MARCHF11: variants seen among roughly 807,000 people sequenced by gnomAD.
MARCHF11 encodes E3 ubiquitin-protein ligase MARCHF11.
A neutral mutation model predicts 37.3 loss-of-function variants in MARCHF11; 29 were observed. The ratio of observed to expected loss-of-function variants is 0.78; its 90% CI spans 0.58 to 1.06. The LOEUF (loss-of-function observed/expected upper bound fraction) is 1.06, where lower values mean the gene tolerates loss of function less well. MARCHF11 is among the 50% of genes least tolerant of loss of function. The pLI, the probability that MARCHF11 is intolerant of heterozygous loss-of-function variation, is 0.00. For synonymous variants in MARCHF11, 233 were observed against 228.0 expected (o/e 1.02, Z -0.20); for missense variants, 482 against 533.4 (o/e 0.90, Z 0.95).
At chr5:16,125,902 CAAAGA>C (rs1579397138) in intron 2 of MARCHF11, among the ~76,000 whole-genome samples, 1 of 152,136 alleles carries the variant, frequency 6.6e-6, no homozygotes, top group East Asian at 1.9e-4. Flanking sequence ...AAAGGCACAG[CAAAGA>C]AGTGTTTTGC....
At chr5:16,103,511 A>G (rs1231372238) in intron 2 of MARCHF11, among the ~76,000 whole-genome samples, 1 of 152,194 alleles carries the variant, frequency 6.6e-6, no homozygotes, top group Non-Finnish European at 1.5e-5. Flanking sequence ...TAAATGCGGA[A>G]GGATGTTGCA....
chr5:16,138,266 T>C (rs1346255378), intron 2 of MARCHF11, among the ~76,000 whole-genome samples: 1 of 152,162 alleles, frequency 6.6e-6, no homozygotes, highest in Non-Finnish European at 1.5e-5. Context: ...CTTGGCGCCC[T>C]GCATCCCAGC....
At chr5:16,097,681 G>A (rs758060525) in intron 2 of MARCHF11, among the ~76,000 whole-genome samples, 15 of 152,090 alleles carry the variant, frequency 9.9e-5, no homozygotes, top group Admixed American at 3.3e-4. Flanking sequence ...ACATAGAAAC[G>A]GAAGTTGTCA....
rs149174906 is a variant in MARCHF11, at chr5:16,083,520, G to A, written c.886+7369C>T. Among the ~76,000 whole-genome samples, 49 of 152,282 alleles carry A rather than the reference G, an allele frequency of 3.2e-4. No individual in the cohort carries two copies. In the East Asian group the frequency reaches 9.2e-3, roughly 29 times the overall value. On this transcript the variant is annotated intron_variant, in intron 3 of 3. Coordinates refer to ENST00000332432, the MANE Select transcript of MARCHF11 (RefSeq NM_001102562.3). ...GCTCGTCTATGGTTCATGAACCTGTGTGGCAATGAACTTAAGGCTCTCCTG... is the reference window on the plus strand; with the variant it reads ...GCTCGTCTATGGTTCATGAACCTGTATGGCAATGAACTTAAGGCTCTCCTG...
chr5:16,070,606 A>G (rs56917287), intron 3 of MARCHF11, among the ~76,000 whole-genome samples: 2,804 of 152,342 alleles, frequency 0.018, 72 homozygotes, highest in African/African-American at 0.064. Flanking sequence ...ATCACTTACT[A>G]GAGCTTAAAG....
At chr5:16,138,144 G>A (rs998478664) in intron 2 of MARCHF11, among the ~76,000 whole-genome samples, 1 of 152,144 alleles carries the variant, frequency 6.6e-6, no homozygotes, top group African/African-American at 2.4e-5. Flanking sequence ...TGTCTCCAGG[G>A]CATGTCAAAG....
At chr5:16,159,027 T>G (rs1738029580) in intron 2 of MARCHF11, among the ~76,000 whole-genome samples, 1 of 151,864 alleles carries the variant, frequency 6.6e-6, no homozygotes, top group Non-Finnish European at 1.5e-5. Context: ...CTAGCTCAAT[T>G]TAGCCATTCC....
At chr5:16,133,804 T>TAA (rs113440597) in intron 2 of MARCHF11, among the ~76,000 whole-genome samples, 18 of 150,696 alleles carry the variant, frequency 1.2e-4, no homozygotes, top group African/African-American at 4.1e-4. Flanking sequence ...TGATGAGCTT[T>TAA]AAAAAAAAAA....
chr5:16,118,505 T>C (rs1456337508), intron 2 of MARCHF11, among the ~76,000 whole-genome samples: 3 of 152,136 alleles, frequency 2.0e-5, no homozygotes, highest in Admixed American at 2.0e-4. Context: ...CAAGAAGGTT[T>C]CAAGAAAAAG....
chr5:16,167,277 A>T (rs961128425), intron 2 of MARCHF11, among the ~76,000 whole-genome samples: 1 of 152,060 alleles, frequency 6.6e-6, no homozygotes, highest in Non-Finnish European at 1.5e-5. Flanking sequence ...AAAAGAGCCA[A>T]GATTGTGGTT....
intron 2 of MARCHF11, among the ~76,000 whole-genome samples, chr5:16,100,546 T>C (rs1045096258): frequency 5.3e-5 from 8 of 152,106 alleles, no homozygotes; most frequent in Admixed American, 5.2e-4. Context: ...TGACTCTAAA[T>C]GGCAGAGGTA....
At chr5:16,137,184 T>G (rs1579404727) in intron 2 of MARCHF11, among the ~76,000 whole-genome samples, 1 of 152,158 alleles carries the variant, frequency 6.6e-6, no homozygotes. Flanking sequence ...CTGATATGGT[T>G]TGGCTGTGTC....
intron 2 of MARCHF11, among the ~76,000 whole-genome samples, chr5:16,113,591 T>C (rs896378170): frequency 6.6e-6 from 1 of 152,150 alleles, no homozygotes; most frequent in South Asian, 2.1e-4. Flanking sequence ...GGAGAATAAT[T>C]GAAGAATGAC....
At chr5:16,077,412 C>G (rs1197560055) in intron 3 of MARCHF11, among the ~76,000 whole-genome samples, 1 of 152,004 alleles carries the variant, frequency 6.6e-6, no homozygotes, top group Non-Finnish European at 1.5e-5. Context: ...ATTTGTTGCT[C>G]TGTTTTGGGG....
intron 2 of MARCHF11, among the ~76,000 whole-genome samples, chr5:16,102,509 G>A (rs1343777465): frequency 6.6e-6 from 1 of 152,204 alleles, no homozygotes; most frequent in African/African-American, 2.4e-5. Context: ...ACAGAAGAGA[G>A]AAGTGTCTGA....
intron 2 of MARCHF11, among the ~76,000 whole-genome samples, chr5:16,135,880 T>A (rs200484384): frequency 0.19 from 22,260 of 119,526 alleles, 1,993 homozygotes; most frequent in East Asian, 0.32. Flanking sequence ...GAAAGAGATT[T>A]AAAAAAAAAA....
chr5:16,148,467 T>C (rs1737841460), intron 2 of MARCHF11, among the ~76,000 whole-genome samples: 1 of 152,112 alleles, frequency 6.6e-6, no homozygotes, highest in Non-Finnish European at 1.5e-5. Flanking sequence ...CTAATCAGTA[T>C]TGATCCTTGT....
At chr5:16,134,503 C>T (rs1034851434) in intron 2 of MARCHF11, among the ~76,000 whole-genome samples, 1 of 152,150 alleles carries the variant, frequency 6.6e-6, no homozygotes, top group Non-Finnish European at 1.5e-5. Flanking sequence ...ACTTTCTCCT[C>T]TTTATAAATT....
intron 2 of MARCHF11, among the ~76,000 whole-genome samples, chr5:16,113,991 C>A (rs1737191243): frequency 6.6e-6 from 1 of 152,130 alleles, no homozygotes; most frequent in Non-Finnish European, 1.5e-5. Context: ...CCACTCTCTA[C>A]CTCTATGAGA....
Sources: gnomAD v4.1 joint callset for allele counts (sites outside exome capture counted in the v4.1 genomes callset) on GRCh38, gnomAD v4.1.1 for gene constraint, MANE v1.5 for transcripts, NCBI Gene and HGNC (gene_info 2026-07-23, HGNC 2026-07-21) for gene names.